CBLB: variants seen among roughly 807,000 people sequenced by gnomAD.
CBLB encodes the protein E3 ubiquitin-protein ligase CBL-B.
CBLB carries 31 observed loss-of-function variants against 104.9 expected under a neutral mutation model. The ratio of observed to expected loss-of-function variants is 0.30; its 90% CI spans 0.22 to 0.40. CBLB has a LOEUF of 0.40. CBLB is among the 10% of genes least tolerant of loss of function. The probability of loss-of-function intolerance (pLI) is 1.00; values close to 1 mark genes in which losing one functional copy is unlikely to be tolerated. For synonymous variants in CBLB, 440 were observed against 422.6 expected, an observed-to-expected ratio of 1.04 and a Z score of -0.51; for missense variants, 1,062 against 1,214.6, an observed-to-expected ratio of 0.87 and a Z score of 1.87.
intron 3 of CBLB, among the ~76,000 whole-genome samples, chr3:105,843,473 A>G (rs756452343): frequency 2.0e-5 from 3 of 152,170 alleles, no homozygotes; most frequent in Non-Finnish European, 4.4e-5. Context: ...AAATTAAAGA[A>G]AACAGGGATT....
At chr3:105,836,041 T>C (rs557709004) in intron 3 of CBLB, among the ~76,000 whole-genome samples, 5 of 152,344 alleles carry the variant, frequency 3.3e-5, no homozygotes, top group Admixed American at 2.0e-4. Flanking sequence ...CTCGAGTGAT[T>C]AGAGGTAAAC....
intron 3 of CBLB, among the ~76,000 whole-genome samples, chr3:105,786,990 T>C (rs1314550560): frequency 6.6e-6 from 1 of 152,196 alleles, no homozygotes; most frequent in African/African-American, 2.4e-5. Context: ...CTAATTTAGA[T>C]GTCAATGGTC....
chr3:105,762,543 C>A (rs184964457), intron 4 of CBLB: 42 of 152,456 alleles, frequency 2.8e-4, no homozygotes, highest in African/African-American at 1.0e-3. Flanking sequence ...GTGCAAGCCT[C>A]AAGCCTTGGC....
chr3:105,835,732 C>T (rs752084429), intron 3 of CBLB, among the ~76,000 whole-genome samples: 3 of 152,170 alleles, frequency 2.0e-5, no homozygotes, highest in Non-Finnish European at 4.4e-5. Flanking sequence ...TTCTTGACAG[C>T]AGTTTGAGAT....
intron 3 of CBLB, among the ~76,000 whole-genome samples, chr3:105,814,460 T>C (rs766159422): frequency 1.3e-5 from 2 of 152,198 alleles, no homozygotes; most frequent in Non-Finnish European, 2.9e-5. Flanking sequence ...AAAACTAAAA[T>C]TGTTTAATCA....
rs571094117 is a variant in CBLB at position 105,814,758 on chromosome 3, C to T, written c.420-38216G>A. On this transcript the variant is annotated intron_variant, in intron 3 of 18. Coordinates refer to ENST00000394030, the MANE Select transcript of CBLB (RefSeq NM_170662.5). ...ATGCTCCAATTTATACTCAACAGTG[C>T]TGACAAATTTTCATAAACACACCTC... Among the ~76,000 whole-genome samples, 254 of 152,230 alleles carry T rather than the reference C, an allele frequency of 1.7e-3. 1 individual carries two copies. Among genetic ancestry groups the T allele is most frequent in the African/African-American group, 4.5e-3 (185 of 41,544 alleles).
intron 12 of CBLB, among the ~76,000 whole-genome samples, chr3:105,699,681 G>A (rs1229749506): frequency 6.6e-6 from 1 of 152,084 alleles, no homozygotes; most frequent in Admixed American, 6.5e-5. Context: ...CTAAGTTCTG[G>A]TATGCCCTAT....
chr3:105,826,107 A>ACACAACTC (rs2086538396), intron 3 of CBLB, among the ~76,000 whole-genome samples: 2 of 151,996 alleles, frequency 1.3e-5, no homozygotes, highest in South Asian at 2.1e-4. Context: ...CTCCAGCATG[A>ACACAACTC]CAGCATGACA....
intron 2 of CBLB, among the ~76,000 whole-genome samples, chr3:105,855,688 G>GT (rs2091516636): frequency 6.6e-6 from 1 of 152,128 alleles, no homozygotes; most frequent in Non-Finnish European, 1.5e-5. Flanking sequence ...AGTATATGCG[G>GT]TAACGGAAGA....
chr3:105,716,795 C>T (rs572296787), intron 10 of CBLB, among the ~76,000 whole-genome samples: 1 of 152,310 alleles, frequency 6.6e-6, no homozygotes, highest in South Asian at 2.1e-4. Flanking sequence ...ACACTGCTGA[C>T]TGCCAAATAA....
At chr3:105,808,588 T>C (rs1553817427) in intron 3 of CBLB, among the ~76,000 whole-genome samples, 1 of 152,230 alleles carries the variant, frequency 6.6e-6, no homozygotes, top group Non-Finnish European at 1.5e-5. Context: ...TCTTTTGTTT[T>C]GCAAATGGTA....
intron 3 of CBLB, among the ~76,000 whole-genome samples, chr3:105,844,557 C>T (rs1029332611): frequency 6.6e-6 from 1 of 152,176 alleles, no homozygotes; most frequent in Non-Finnish European, 1.5e-5. Context: ...TTGCTGTTTA[C>T]AGCACATCTA....
At chr3:105,699,005 C>A (rs2152771237) in intron 12 of CBLB, among the ~76,000 whole-genome samples, 1 of 152,224 alleles carries the variant, frequency 6.6e-6, no homozygotes, top group Non-Finnish European at 1.5e-5. Context: ...CCTTTTCTCT[C>A]CTGGCCTACA....
chr3:105,664,263 T>C (rs534628942), intron 18 of CBLB, among the ~76,000 whole-genome samples: 49 of 152,282 alleles, frequency 3.2e-4, no homozygotes, highest in African/African-American at 1.2e-3. Context: ...AGTTTTCTAG[T>C]ATATAAAGTT....
intron 3 of CBLB, among the ~76,000 whole-genome samples, chr3:105,779,708 A>G (rs2079929539): frequency 6.6e-6 from 1 of 152,066 alleles, no homozygotes; most frequent in Non-Finnish European, 1.5e-5. Flanking sequence ...GAGAACTGAA[A>G]ACTATTCTGG....
At chr3:105,825,094 C>T (rs1413230182) in intron 3 of CBLB, among the ~76,000 whole-genome samples, 1 of 152,176 alleles carries the variant, frequency 6.6e-6, no homozygotes, top group Admixed American at 6.5e-5. Flanking sequence ...CCTTCTCCAT[C>T]ACAGCGTCTG....
chr3:105,869,262 C>A, upstream of CBLB: 1 of 794,112 alleles, frequency 1.3e-6, no homozygotes, highest in Non-Finnish European at 1.9e-6. Context: ...AATGAGGGGC[C>A]TGGACTCTCC....
chr3:105,869,043 G>T, upstream of CBLB: 7 of 1,115,800 alleles, frequency 6.3e-6, no homozygotes, highest in Non-Finnish European at 7.7e-6. Context: ...ACAGGACCCA[G>T]GCTCGGGGCG....
intron 6 of CBLB, among the ~76,000 whole-genome samples, chr3:105,741,258 G>A (rs1234708738): frequency 6.6e-6 from 1 of 152,028 alleles, no homozygotes; most frequent in Non-Finnish European, 1.5e-5. Context: ...GCGCCATCTC[G>A]GCTCACTGCA....
Sources: allele counts gnomAD v4.1 joint callset (sites outside exome capture counted in the v4.1 genomes callset), GRCh38; gene constraint gnomAD v4.1.1; transcripts MANE v1.5; gene names NCBI Gene and HGNC (gene_info 2026-07-23, HGNC 2026-07-21).